MBD5: variants seen among roughly 807,000 people sequenced by gnomAD.
The protein encoded by MBD5 is methyl-CpG binding domain protein 5.
A neutral mutation model predicts 117.3 loss-of-function variants in MBD5; 13 were observed. That is an observed-to-expected ratio of 0.11 (90% CI 0.07 to 0.18). The LOEUF is 0.18. Ranked by LOEUF, MBD5 falls within the 10% of genes least tolerant of loss-of-function variation. The pLI, the probability that MBD5 is intolerant of heterozygous loss-of-function variation, is 1.00. For missense variants in MBD5, 1,879 were observed against 2,093.8 expected (o/e 0.90, Z 2.00); for synonymous variants, 727 against 766.4 (o/e 0.95, Z 0.85).
intron 1 of MBD5, among the ~76,000 whole-genome samples, chr2:148,109,371 A>G (rs1696453299): frequency 6.6e-6 from 1 of 152,236 alleles, no homozygotes; most frequent in Non-Finnish European, 1.5e-5. Context: ...TAGCAACAAT[A>G]TGGTCATTGC....
chr2:148,514,357 GTCT>G lies in MBD5; in HGVS notation c.*1423_*1425del, dbSNP rs1386553450. 6.6e-6 allele frequency: 1 copy of G among 152,108 alleles called. No individual in the cohort carries two copies. The highest frequency in any genetic ancestry group is 2.4e-5 in the African/African-American group (1 of 41,406). The allele number at this position is 152,108 out of a possible 1,614,324, so 9.4% of individuals were successfully genotyped here. A position where few individuals can be genotyped will look rare whatever the true frequency, so the allele number is the denominator to read the frequency against. ...GAAATGTAGCACAACATAATTTTCCGTCTTCTTCTCACAATTTTTGTGGTGGTG... is the reference window on the plus strand; with the variant it reads ...GAAATGTAGCACAACATAATTTTCCGTCTTCTCACAATTTTTGTGGTGGTG... On this transcript the variant is annotated 3_prime_UTR_variant, in exon 14 of 14. Transcript: ENST00000642680.
At chr2:148,327,101 A>T (rs1324153786) in intron 3 of MBD5, among the ~76,000 whole-genome samples, 1 of 151,896 alleles carries the variant, frequency 6.6e-6, no homozygotes, top group East Asian at 1.9e-4. Flanking sequence ...TATGAAGCTT[A>T]GTTTGGCTGG....
rs1230660909 is a variant in MBD5, at chr2:148,180,465, C to G, written c.-831+1672C>G. 6.6e-5 allele frequency among the ~76,000 whole-genome samples: 10 copies of G among 151,408 alleles called. No homozygotes were observed. The East Asian group carries it at 1.6e-3, about 24-fold the overall frequency. Reference sequence around the variant, plus strand: ...AATCCTCCCACCTCAGCCTCTCAAGCAGCTAGGACTGCAGGTGTGCATTAA... The same window carrying G: ...AATCCTCCCACCTCAGCCTCTCAAGGAGCTAGGACTGCAGGTGTGCATTAA... On this transcript the variant is annotated intron_variant, in intron 2 of 13. Transcript: ENST00000642680.
At chr2:148,056,200 T>A (rs1380421814) in intron 1 of MBD5, 1 of 152,174 alleles carries the variant, frequency 6.6e-6, no homozygotes, top group Non-Finnish European at 1.5e-5. Flanking sequence ...TATATATTTG[T>A]TTAGAAAGCT....
chr2:148,416,350 A>G (rs1371545153), intron 4 of MBD5, among the ~76,000 whole-genome samples: 1 of 152,056 alleles, frequency 6.6e-6, no homozygotes, highest in Non-Finnish European at 1.5e-5. Context: ...GCCAAGGTGT[A>G]CTCAATCCAC....
rs139919398 is a variant in MBD5 at position 148,178,864 on chromosome 2, T to A, written c.-831+71T>A. On this transcript the variant is annotated intron_variant, in intron 2 of 13. Coordinates refer to ENST00000642680, the MANE Select transcript of MBD5 (RefSeq NM_001378120.1). ...AGGGTTGTCAGATTATAATTCGACT[T>A]GTTAAACTTGTTTACTTTTTATCAC... 3.0e-4 allele frequency: 117 copies of A among 395,708 alleles called. No individual in the cohort carries two copies. In the East Asian group the frequency reaches 3.9e-3, roughly 13 times the overall value. The allele number at this position is 395,708 out of a possible 1,614,324, so 24.5% of individuals were successfully genotyped here. A position where few individuals can be genotyped will look rare whatever the true frequency, so the allele number is the denominator to read the frequency against.
At chr2:148,454,750 A>C (rs1439352702) in intron 4 of MBD5, among the ~76,000 whole-genome samples, 2 of 152,154 alleles carry the variant, frequency 1.3e-5, no homozygotes, top group Non-Finnish European at 2.9e-5. Flanking sequence ...AAATGTTTAC[A>C]TTGTAAAATT....
chr2:148,203,078 C>T (rs1454194943), intron 2 of MBD5, among the ~76,000 whole-genome samples: 1 of 147,974 alleles, frequency 6.8e-6, no homozygotes, highest in Non-Finnish European at 1.5e-5. Context: ...GCACTCTAGC[C>T]CAGGCAACAT....
intron 4 of MBD5, among the ~76,000 whole-genome samples, chr2:148,412,484 A>G (rs1705290987): frequency 1.3e-5 from 2 of 151,928 alleles, no homozygotes; most frequent in South Asian, 4.2e-4. Flanking sequence ...GTCTTTTCTA[A>G]TTCCATGAAG....
intron 4 of MBD5, among the ~76,000 whole-genome samples, chr2:148,356,098 T>A (rs559961665): frequency 6.6e-6 from 1 of 152,232 alleles, no homozygotes; most frequent in East Asian, 1.9e-4. Context: ...AATTAGAGTT[T>A]GCTCATGATT....
At chr2:148,156,327 G>T (rs140141470) in intron 1 of MBD5, among the ~76,000 whole-genome samples, 1 of 152,164 alleles carries the variant, frequency 6.6e-6, no homozygotes, top group Non-Finnish European at 1.5e-5. Flanking sequence ...CCACTTGTCT[G>T]TTTGTACACT....
chr2:148,393,790 C>G (rs368789529), intron 4 of MBD5, among the ~76,000 whole-genome samples: 113 of 152,202 alleles, frequency 7.4e-4, no homozygotes, highest in Admixed American at 1.8e-3. Flanking sequence ...AGATGAACTT[C>G]AGATAGAACA....
rs1553491525 is a variant in MBD5, at chr2:148,265,065, G to GCGCA, written c.-680+31671_-680+31672insGCAC. ...CACGTATGTGTGCATGTAGACACAC[G>GCGCA]CACACACACACACACACAAACACAC... On this transcript the variant is annotated intron_variant, in intron 3 of 13. Transcript: ENST00000642680. 10 of 91,606 alleles carry GCGCA rather than the reference G, an allele frequency of 1.1e-4. No individual in the cohort carries two copies. In the East Asian group the frequency reaches 1.9e-3, roughly 17 times the overall value. The allele number at this position is 91,606 out of a possible 1,614,324, so 5.7% of individuals were successfully genotyped here.
intron 1 of MBD5, chr2:148,062,426 C>T (rs1315508344): frequency 6.6e-6 from 1 of 151,796 alleles, no homozygotes; most frequent in Non-Finnish European, 1.5e-5. Flanking sequence ...AATGAAGTTG[C>T]ATAACCTGCT....
chr2:148,045,232 C>T (rs955181723), intron 1 of MBD5, among the ~76,000 whole-genome samples: 6 of 152,134 alleles, frequency 3.9e-5, no homozygotes, highest in African/African-American at 1.4e-4. Flanking sequence ...CCTTCAAATT[C>T]AGTACAATTT....
At chr2:148,432,642 G>A (rs934628951) in intron 4 of MBD5, among the ~76,000 whole-genome samples, 2 of 151,986 alleles carry the variant, frequency 1.3e-5, no homozygotes, top group Non-Finnish European at 2.9e-5. Context: ...CCCATTTCTC[G>A]TTGTTGTCAA....
At chr2:148,507,278 A>G (rs1682061160) in intron 12 of MBD5, among the ~76,000 whole-genome samples, 1 of 152,168 alleles carries the variant, frequency 6.6e-6, no homozygotes. Context: ...TGGTTAGGTA[A>G]AAATCTTTTA....
intron 3 of MBD5, among the ~76,000 whole-genome samples, chr2:148,288,817 A>AT (rs1265050899): frequency 2.0e-5 from 3 of 152,204 alleles, no homozygotes; most frequent in Non-Finnish European, 2.9e-5. Flanking sequence ...ACTAAACAGA[A>AT]TTTTTTAAAG....
chr2:148,289,688 G>A (rs1463384737), intron 3 of MBD5, among the ~76,000 whole-genome samples: 2 of 152,052 alleles, frequency 1.3e-5, no homozygotes, highest in African/African-American at 4.8e-5. Context: ...AGTAGTGAAT[G>A]GTAATGAACA....
Sources: allele counts gnomAD v4.1 joint callset (sites outside exome capture counted in the v4.1 genomes callset), GRCh38; gene constraint gnomAD v4.1.1; transcripts MANE v1.5; gene names NCBI Gene and HGNC (gene_info 2026-07-23, HGNC 2026-07-21).